Variants in KLF2 observed in about 807,000 individuals in gnomAD.
The protein encoded by KLF2 is Krueppel-like factor 2.
KLF2 carries 9 observed loss-of-function variants against 22.2 expected under a neutral mutation model. The ratio of observed to expected loss-of-function variants is 0.40; its 90% confidence interval spans 0.24 to 0.71. The LOEUF (loss-of-function observed/expected upper bound fraction) is 0.71. Among genes scored for constraint, KLF2 ranks in the 30% least tolerant of loss-of-function variants. KLF2 has a pLI of 0.35. For missense variants in KLF2, 481 were observed against 542.1 expected (o/e 0.89, Z 1.12); for synonymous variants, 299 against 264.2 (o/e 1.13, Z -1.28).
At position 16,326,869 on chromosome 19, in the gene KLF2, C is replaced by T; in HGVS notation, c.906C>T (p.Tyr302=). 6.2e-7 allele frequency: 1 copy of T among 1,611,684 alleles called. No individual in the cohort carries two copies. The highest frequency in any genetic ancestry group is 8.5e-7 in the Non-Finnish European group (1 of 1,179,478). ...HLRTHTGEKP[Y]HCNWDGCGWK... is the part of the protein sequence containing the mutation. ...CCCTCCCTGCAGGTGAGAAGCCCTA[C>T]CACTGCAACTGGGACGGCTGCGGCT... Residue 302 remains tyrosine (Y), a synonymous_variant, in exon 3 of 3, where the codon TAC becomes TAT. Coordinates refer to ENST00000248071, the MANE Select transcript of KLF2 (RefSeq NM_016270.4).
chr19:16,327,304 A>ACCAC lies in KLF2; in HGVS notation c.*275_*276insACCC. The stretch of plus-strand genomic sequence containing the variant: ...TAATTTAAGTGGCATCTTCTCTCCC[A>ACCAC]CCGGGTCTACACTAGAGGATCGAGG... On this transcript the variant is annotated 3_prime_UTR_variant, in exon 3 of 3. Coordinates refer to ENST00000248071, the MANE Select transcript of KLF2 (RefSeq NM_016270.4). The ACCAC allele has an allele frequency of 3.6e-6, 1 of 276,104 alleles. No individual in the cohort carries two copies. The highest frequency in any genetic ancestry group is 6.6e-6 in the Non-Finnish European group (1 of 151,836). The allele number at this position is 276,104 out of a possible 1,614,324, so 17.1% of individuals were successfully genotyped here. A position where few individuals can be genotyped will look rare whatever the true frequency, so the allele number is the denominator to read the frequency against.
Position 16,327,987 on chromosome 19 carries a change from G to A in KLF2, c.*956G>A, listed in dbSNP as rs766257145. The stretch of plus-strand genomic sequence containing the variant: ...GCATGTTCTGCCCTTTACTCGTCTC[G>A]ACATTTAGCAAGTCTTTTCTTAAGG... On this transcript the variant is annotated 3_prime_UTR_variant, in exon 3 of 3. Coordinates refer to ENST00000248071, the MANE Select transcript of KLF2 (RefSeq NM_016270.4). 7 of 151,968 alleles carry A rather than the reference G, an allele frequency of 4.6e-5. No homozygotes were observed. The South Asian group carries it at 1.5e-3, about 32-fold the overall frequency. The allele number at this position is 151,968 out of a possible 1,614,324, so 9.4% of individuals were successfully genotyped here.
rs765070507 is a variant in KLF2 at position 16,325,019 on chromosome 19, G to A, written c.75+21G>A. On this transcript the variant is annotated intron_variant, in intron 1 of 2. Transcript: ENST00000248071. ...AGGAGGTGAGGGCGGCGGGGACGGC[G>A]GGGCGGCCGGGACCGTGGGCGGCGG... The A allele has an allele frequency of 1.3e-4, 206 of 1,554,250 alleles. 1 individual carries two copies. Among genetic ancestry groups the A allele is most frequent in the Non-Finnish European group, 2.1e-5 (24 of 1,150,774 alleles).
In KLF2 at chr19:16,328,463, A is replaced by G. The variant is rs930503740; in HGVS notation, c.*1432A>G. Among the ~76,000 whole-genome samples the G allele has an allele frequency of 6.6e-6, 1 of 152,076 alleles. No homozygotes were observed. Among genetic ancestry groups the G allele is most frequent in the Non-Finnish European group, 1.5e-5 (1 of 68,022 alleles). ...AACCATGACCACCAACCATTGCACAAGTTTCCAGAAAGTGAAAATAGCTCG... is the reference window on the plus strand; with the variant it reads ...AACCATGACCACCAACCATTGCACAGGTTTCCAGAAAGTGAAAATAGCTCG... On this transcript the variant is annotated 3_prime_UTR_variant, in exon 3 of 3. Coordinates refer to ENST00000248071, the MANE Select transcript of KLF2 (RefSeq NM_016270.4).
Position 16,324,827 on chromosome 19 carries a change from C to A in KLF2, c.-97C>A. The A allele has an allele frequency of 1.9e-6, 2 of 1,056,180 alleles. No individual in the cohort carries two copies. Among genetic ancestry groups the A allele is most frequent in the Non-Finnish European group, 2.7e-6 (2 of 747,950 alleles). 65.4% of individuals were successfully genotyped at this position (1,056,180 alleles called of 1,614,324 possible). On this transcript the variant is annotated 5_prime_UTR_variant, in exon 1 of 3. Coordinates refer to ENST00000248071, the MANE Select transcript of KLF2 (RefSeq NM_016270.4). ...CTTGGGCGGGCCCGGCCGCGGCCCACAGAGCCGTCCCCGCCCGCCCGCGCC... is the reference window on the plus strand; with the variant it reads ...CTTGGGCGGGCCCGGCCGCGGCCCAAAGAGCCGTCCCCGCCCGCCCGCGCC...
Position 16,324,997 on chromosome 19 carries a change from A to T in KLF2, c.74A>T (p.Glu25Val), listed in dbSNP as rs747868364. The T allele has an allele frequency of 6.3e-7, 1 of 1,582,692 alleles. No individual in the cohort carries two copies. The highest frequency in any genetic ancestry group is 1.1e-5 in the South Asian group (1 of 88,150). Residue 25 changes from glutamate to valine, a missense_variant and splice_region_variant, in exon 1 of 3, where the codon GAG becomes GTG. Physicochemically the swap from Glu to Val is moderately radical, Grantham distance 121. Coordinates refer to ENST00000248071, the MANE Select transcript of KLF2 (RefSeq NM_016270.4). ...ASPCRERGLQERWPRAEPESG... is the reference protein window; with the variant it reads ...ASPCRERGLQVRWPRAEPESG... The stretch of plus-strand genomic sequence containing the variant: ...CCGTGCCGCGAGCGCGGCCTGCAGG[A>T]GGTGAGGGCGGCGGGGACGGCGGGG...
intron 2 of KLF2, among the ~76,000 whole-genome samples, 189 bp downstream of exon 2, chr19:16,326,221 G>C (rs1347467536): frequency 1.3e-5 from 2 of 149,860 alleles, no homozygotes; most frequent in African/African-American, 4.9e-5. Context: ...GGGCACACAG[G>C]AACACTCCCT....
intron 1 of KLF2, 35 bp downstream of exon 1, chr19:16,325,033 C>T (rs757319381): frequency 2.6e-6 from 4 of 1,524,292 alleles, no homozygotes; most frequent in East Asian, 4.9e-5. Flanking sequence ...CGGCCGGGAC[C>T]GTGGGCGGCG....
rs914767484 is a variant in KLF2 at position 16,328,132 on chromosome 19, T to C, written c.*1101T>C. 2.6e-5 allele frequency among the ~76,000 whole-genome samples: 4 copies of C among 152,010 alleles called. No individual in the cohort carries two copies. The highest frequency in any genetic ancestry group is 5.9e-5 in the Non-Finnish European group (4 of 68,010). ...AGAGGTAGCGGCAGGGTGGTGGAGT[T>C]GGGTTGTTAGCCTGCTCTGTCTGCC... is the stretch of plus-strand genomic sequence containing the variant. On this transcript the variant is annotated 3_prime_UTR_variant, in exon 3 of 3. Coordinates refer to ENST00000248071, the MANE Select transcript of KLF2 (RefSeq NM_016270.4).
Position 16,327,165 on chromosome 19 carries a change from C to A in KLF2, c.*134C>A. 1 of 849,652 alleles carries A rather than the reference C, an allele frequency of 1.2e-6. No homozygotes were observed. Among genetic ancestry groups the A allele is most frequent in the Non-Finnish European group, 1.7e-6 (1 of 578,562 alleles). 52.6% of individuals were successfully genotyped at this position (849,652 alleles called of 1,614,324 possible). A position where few individuals can be genotyped will look rare whatever the true frequency, so the allele number is the denominator to read the frequency against. ...GGCACAGCGTGGCTACAGAGGGTCT[C>A]CCTCGATGACGACGACGACGACGCC... On this transcript the variant is annotated 3_prime_UTR_variant, in exon 3 of 3. Transcript: ENST00000248071.
rs2091887201 is a variant in KLF2, at chr19:16,325,651, C to T, written c.511C>T (p.Pro171Ser). Residue 171 changes from proline to serine, a missense_variant, in exon 2 of 3, where the codon CCC (proline) becomes TCC (serine). Pro to Ser is a moderately conservative substitution (Grantham distance 74). This residue lies in a region of KLF2 where 421 missense variants were observed against 435.1 expected (regional missense o/e 0.97). Coordinates refer to ENST00000248071, the MANE Select transcript of KLF2 (RefSeq NM_016270.4). ...TCCCGGGGGCCGCCCCCCGCCGCCGCCCGACACACCGCCGCTCAGCCCCGA... is the reference window on the plus strand; with the variant it reads ...TCCCGGGGGCCGCCCCCCGCCGCCGTCCGACACACCGCCGCTCAGCCCCGA... ...RGPGGRPPPPPDTPPLSPDGP... is the reference protein window; with the variant it reads ...RGPGGRPPPPSDTPPLSPDGP... The T allele has an allele frequency of 1.9e-6, 2 of 1,074,256 alleles. No individual in the cohort carries two copies. The highest frequency in any genetic ancestry group is 4.1e-5 in the South Asian group (1 of 24,228). 66.5% of individuals were successfully genotyped at this position (1,074,256 alleles called of 1,614,324 possible).
rs2091885446 is a variant in KLF2 at position 16,325,397 on chromosome 19, C to T, written c.257C>T (p.Ala86Val). The T allele has an allele frequency of 3.5e-6, 5 of 1,424,080 alleles. No individual in the cohort carries two copies. The highest frequency in any genetic ancestry group is 4.5e-6 in the Non-Finnish European group (5 of 1,100,756). 88.2% of individuals were successfully genotyped at this position (1,424,080 alleles called of 1,614,324 possible). ...PEPGAPPPYSAPAGGLVSELL... is the reference protein window; with the variant it reads ...PEPGAPPPYSVPAGGLVSELL... ...CCCGGCGCGCCCCCGCCCTACAGCG[C>T]CCCCGCGGGTGGCCTGGTGTCTGAG... Residue 86 changes from alanine to valine, a missense_variant, in exon 2 of 3, where the codon GCC (alanine) becomes GTC (valine). By Grantham distance (64) the Ala-to-Val change is moderately conservative. This residue lies in a region of KLF2 where 421 missense variants were observed against 435.1 expected (regional missense o/e 0.97). Coordinates refer to ENST00000248071, the MANE Select transcript of KLF2 (RefSeq NM_016270.4).
chr19:16,324,847 C>G lies in KLF2; in HGVS notation c.-77C>G, dbSNP rs1285867352. On this transcript the variant is annotated 5_prime_UTR_variant, in exon 1 of 3. Coordinates refer to ENST00000248071, the MANE Select transcript of KLF2 (RefSeq NM_016270.4). Reference sequence around the variant, plus strand: ...GCCCACAGAGCCGTCCCCGCCCGCCCGCGCCCCGACCAGCCCGGCCTCGGG... The same window carrying G: ...GCCCACAGAGCCGTCCCCGCCCGCCGGCGCCCCGACCAGCCCGGCCTCGGG... 40 of 1,291,142 alleles carry G rather than the reference C, an allele frequency of 3.1e-5. No individual in the cohort carries two copies. The highest frequency in any genetic ancestry group is 4.2e-5 in the Non-Finnish European group (39 of 935,286). 80.0% of individuals were successfully genotyped at this position (1,291,142 alleles called of 1,614,324 possible). A position where few individuals can be genotyped will look rare whatever the true frequency, so the allele number is the denominator to read the frequency against.
chr19:16,325,386 G>A lies in KLF2; in HGVS notation c.246G>A (p.Pro82=), dbSNP rs2091885410. ...ATTACCCCGAACCCGGCGCGCCCCC[G>A]CCCTACAGCGCCCCCGCGGGTGGCC... ...AFYYPEPGAP[P]PYSAPAGGLV... Residue 82 remains proline (P), a synonymous_variant, in exon 2 of 3, where the codon CCG becomes CCA. Coordinates refer to ENST00000248071, the MANE Select transcript of KLF2 (RefSeq NM_016270.4). 7.0e-7 allele frequency: 1 copy of A among 1,421,962 alleles called. No individual in the cohort carries two copies. The highest frequency in any genetic ancestry group is 1.5e-5 in the African/African-American group (1 of 66,126). 88.1% of individuals were successfully genotyped at this position (1,421,962 alleles called of 1,614,324 possible).
Position 16,327,088 on chromosome 19 carries a change from G to A in KLF2, c.*57G>A. The A allele has an allele frequency of 6.9e-7, 1 of 1,449,160 alleles. No individual in the cohort carries two copies. The highest frequency in any genetic ancestry group is 2.4e-4 in the Middle Eastern group (1 of 4,226). 89.8% of individuals were successfully genotyped at this position (1,449,160 alleles called of 1,614,324 possible). ...GTGGCGGGTCCCACGCGCCGGGCGC[G>A]GCCCCCTCCCAAACTGTGACTGGTA... On this transcript the variant is annotated 3_prime_UTR_variant, in exon 3 of 3. Coordinates refer to ENST00000248071, the MANE Select transcript of KLF2 (RefSeq NM_016270.4).
intron 2 of KLF2, 45 bp downstream of exon 2, chr19:16,326,077 G>C: frequency 6.6e-7 from 1 of 1,514,502 alleles, no homozygotes; most frequent in Non-Finnish European, 8.9e-7. Context: ...GGGGACGCGG[G>C]AGGAGAGGTC....
chr19:16,325,745 T>G lies in KLF2; in HGVS notation c.605T>G (p.Phe202Cys). 1 of 1,219,830 alleles carries G rather than the reference T, an allele frequency of 8.2e-7. No homozygotes were observed. Among genetic ancestry groups the G allele is most frequent in the Non-Finnish European group, 1.0e-6 (1 of 983,840 alleles). 75.6% of individuals were successfully genotyped at this position (1,219,830 alleles called of 1,614,324 possible). The change falls in exon 2 of 3, where the codon TTC becomes TGC. Residue 202 changes from phenylalanine to cysteine, a missense_variant. By Grantham distance (205) the Phe-to-Cys change is radical. Coordinates refer to ENST00000248071, the MANE Select transcript of KLF2 (RefSeq NM_016270.4). Reference sequence around the variant, plus strand: ...CCGCCGCCTTTCGGTGGCCCTGGTTTCGGCGCGCCCGGGCCCGGCCTGCAT... The same window carrying G: ...CCGCCGCCTTTCGGTGGCCCTGGTTGCGGCGCGCCCGGGCCCGGCCTGCAT... ...SFPPPFGGPGFGAPGPGLHYA... is the reference protein window; with the variant it reads ...SFPPPFGGPGCGAPGPGLHYA...
rs1279278017 is a variant in KLF2 at position 16,325,495 on chromosome 19, C to T, written c.355C>T (p.Arg119Cys). Reference sequence around the variant, plus strand: ...CCGCTTTCTGCTGGCGCCGCCCGGCCGCCTGGTCAAGGCCGAGCCCCCTGA... The same window carrying T: ...CCGCTTTCTGCTGGCGCCGCCCGGCTGCCTGGTCAAGGCCGAGCCCCCTGA... ...HGRFLLAPPG[R>C]LVKAEPPEAD... Residue 119 changes from arginine to cysteine, a missense_variant, in exon 2 of 3, where the codon CGC becomes TGC. Around this residue, in one of 2 missense-constraint regions of KLF2, gnomAD observed 421 missense variants for 435.1 expected, o/e 0.97. Coordinates refer to ENST00000248071, the MANE Select transcript of KLF2 (RefSeq NM_016270.4). The T allele has an allele frequency of 5.9e-6, 8 of 1,351,972 alleles. No individual in the cohort carries two copies. The highest frequency in any genetic ancestry group is 7.6e-6 in the Non-Finnish European group (8 of 1,056,462). The allele number at this position is 1,351,972 out of a possible 1,614,324, so 83.7% of individuals were successfully genotyped here.
intron 1 of KLF2, 86 bp from the exon 2 acceptor site, chr19:16,325,130 G>A (rs1484108953): frequency 3.0e-6 from 4 of 1,321,888 alleles, no homozygotes; most frequent in Non-Finnish European, 4.1e-6. Context: ...GCGGGCCACG[G>A]GGATCGCGGA....
Sources: allele counts gnomAD v4.1 joint callset (sites outside exome capture counted in the v4.1 genomes callset), GRCh38; gene constraint gnomAD v4.1.1; regional missense constraint gnomAD v4.1.1; transcripts MANE v1.5; gene names NCBI Gene and HGNC (gene_info 2026-07-23, HGNC 2026-07-21).